The following KRT83 variants were observed in gnomAD, a reference collection of about 807,000 sequenced individuals.
The protein encoded by KRT83 is keratin, type II cuticular Hb3.
KRT83 carries 51 observed loss-of-function variants against 52.9 expected under a neutral mutation model. The observed-to-expected ratio is 0.96, with a 90% CI of 0.77 to 1.22. KRT83 has a LOEUF of 1.22. KRT83 is among the 50% of genes most tolerant of loss of function. The pLI is 0.00. For synonymous variants in KRT83, 278 were observed against 274.1 expected (o/e 1.01, Z -0.14); for missense variants, 654 against 666.5 (o/e 0.98, Z 0.21).
chr12:52,317,457 G>A (rs1398985659), intron 4 of KRT83, among the ~76,000 whole-genome samples: 1 of 152,182 alleles, frequency 6.6e-6, no homozygotes, highest in African/African-American at 2.4e-5. Flanking sequence ...CAAGGCACAG[G>A]TGTCTGGGGT....
intron 1 of KRT83, among the ~76,000 whole-genome samples, chr12:52,319,909 C>T (rs1417999068): frequency 3.9e-5 from 6 of 152,180 alleles, no homozygotes; most frequent in Non-Finnish European, 5.9e-5. Context: ...TGCTCCAACC[C>T]CCTTATTTTA....
chr12:52,321,221 C>A lies in KRT83; in HGVS notation c.115G>T (p.Gly39Cys), dbSNP rs895315297. Residue 39 changes from glycine (G) to cysteine (C), a missense_variant, in exon 1 of 9, where the codon GGC becomes TGC. By Grantham distance (159) the Gly-to-Cys change is radical (BLOSUM62 -3). Transcript: ENST00000293670. The part of the protein sequence containing the change: ...RCCITAAPYR[G>C]ISCYRGLTGG... ...GTGAGGCCGCGGTAGCAGGAGATGC[C>A]GCGGTAGGGGGCGGCGGTGATGCAG... 3 of 1,613,310 alleles carry A rather than the reference C, an allele frequency of 1.9e-6. No individual in the cohort carries two copies. In the African/African-American group the frequency reaches 4.0e-5, roughly 22 times the overall value.
rs200833070 is a variant in KRT83, at chr12:52,321,257, G to T, written c.79C>A (p.Pro27Thr). ...FSCVSACGPR[P>T]SRCCITAAPY... The stretch of plus-strand genomic sequence containing the variant: ...GCGGCGGTGATGCAGCAGCGGCTTG[G>T]CCGGGGCCCGCAGGCAGAGACACAG... The change falls in exon 1 of 9, where the codon CCA becomes ACA. Residue 27 changes from proline (P) to threonine (T), a missense_variant. Physicochemically the swap from Pro to Thr is conservative, Grantham distance 38. Transcript: ENST00000293670. 3.1e-6 allele frequency: 5 copies of T among 1,613,412 alleles called. No individual in the cohort carries two copies. The highest frequency in any genetic ancestry group is 1.7e-5 in the Admixed American group (1 of 60,034).
intron 2 of KRT83, among the ~76,000 whole-genome samples, chr12:52,318,513 C>A (rs1030880645): frequency 6.6e-6 from 1 of 152,282 alleles, no homozygotes; most frequent in Middle Eastern, 3.4e-3. Flanking sequence ...GATCCTCGCT[C>A]TGTCTCTCCC....
intron 5 of KRT83, 105 bp downstream of exon 5, chr12:52,316,754 C>G: frequency 6.2e-7 from 1 of 1,603,798 alleles, no homozygotes; most frequent in East Asian, 2.2e-5. Context: ...TTTTCTCTTA[C>G]CATCCTTAGG....
In KRT83 at chr12:52,321,080, C is replaced by T. The variant is rs766097425; in HGVS notation, c.256G>A (p.Val86Met). The change falls in exon 1 of 9, where the codon GTG becomes ATG. Residue 86 changes from valine to methionine, a missense_variant. Val to Met is a conservative substitution (Grantham distance 21). Coordinates refer to ENST00000293670, the MANE Select transcript of KRT83 (RefSeq NM_002282.3). ...GTGAGGAGGCTCTCGTTGACCGACA[C>T]GGTGGTGATGCATGGGGGGCTGGGT... Reference protein sequence around the residue: ...CGPSPPCITTVSVNESLLTPL... With the variant: ...CGPSPPCITTMSVNESLLTPL... The T allele has an allele frequency of 6.8e-6, 11 of 1,612,330 alleles. No individual in the cohort carries two copies. The highest frequency in any genetic ancestry group is 8.5e-6 in the Non-Finnish European group (10 of 1,179,864).
At chr12:52,317,886 C>T (rs939005736) in intron 3 of KRT83, 24 bp downstream of exon 3, 1 of 1,613,980 alleles carries the variant, frequency 6.2e-7, no homozygotes, top group African/African-American at 1.3e-5. Flanking sequence ...AGGGCGGGCT[C>T]AGGGCCAGCT....
chr12:52,320,241 C>T (rs1304674965), intron 1 of KRT83, among the ~76,000 whole-genome samples: 1 of 152,210 alleles, frequency 6.6e-6, no homozygotes, highest in Non-Finnish European at 1.5e-5. Context: ...CTCTGGAGGG[C>T]TCTTTCCAAC....
At position 52,315,358 on chromosome 12, in the gene KRT83, A is replaced by G. The variant is rs769532480; in HGVS notation, c.1263-15T>C. ...CTTCACACAGCCTGAGTGGGGAAAAAGTAAGGAAGGGGAAGATAAAAGAAG... is the reference window on the plus strand; with the variant it reads ...CTTCACACAGCCTGAGTGGGGAAAAGGTAAGGAAGGGGAAGATAAAAGAAG... On this transcript the variant is annotated splice_polypyrimidine_tract_variant and intron_variant, in intron 7 of 8. Coordinates refer to ENST00000293670, the MANE Select transcript of KRT83 (RefSeq NM_002282.3). 1 of 1,613,326 alleles carries G rather than the reference A, an allele frequency of 6.2e-7. No individual in the cohort carries two copies. The highest frequency in any genetic ancestry group is 1.1e-5 in the South Asian group (1 of 91,030).
chr12:52,318,444 G>C (rs747906710), intron 2 of KRT83, among the ~76,000 whole-genome samples: 1 of 151,926 alleles, frequency 6.6e-6, no homozygotes, highest in Non-Finnish European at 1.5e-5. Flanking sequence ...TTCTCGCCTA[G>C]GTCTCCATCT....
rs1938733265 is a variant in KRT83 at position 52,319,180 on chromosome 12, T to C, written c.569A>G (p.Glu190Gly). The C allele has an allele frequency of 6.2e-6, 10 of 1,613,344 alleles. No homozygotes were observed. In the East Asian group the frequency reaches 2.2e-4, roughly 36 times the overall value. Residue 190 changes from glutamate (E) to glycine (G), a missense_variant, in exon 2 of 9, where the codon GAG becomes GGG. Coordinates refer to ENST00000293670, the MANE Select transcript of KRT83 (RefSeq NM_002282.3). Reference sequence around the variant, plus strand: ...CTTCTTCTTGTAGCCCTCCAGCACCTCCTGCACGTGGTTGAGCTCTGAGGC... The same window carrying C: ...CTTCTTCTTGTAGCCCTCCAGCACCCCCTGCACGTGGTTGAGCTCTGAGGC... ...RLASELNHVQ[E>G]VLEGYKKKYE...
rs533783292 is a variant in KRT83 at position 52,318,765 on chromosome 12, G to C, written c.593+391C>G. On this transcript the variant is annotated intron_variant, in intron 2 of 8. Coordinates refer to ENST00000293670, the MANE Select transcript of KRT83 (RefSeq NM_002282.3). ...TGCAGGCTCCACAAGAACCCGCACT[G>C]TGTGGCTTGCGTGGCCCTGTGTCAC... Among the ~76,000 whole-genome samples the C allele has an allele frequency of 7.9e-5, 12 of 152,366 alleles. No individual in the cohort carries two copies. In the South Asian group the frequency reaches 8.3e-4, roughly 11 times the overall value.
Position 52,314,762 on chromosome 12 carries a change from G to A in KRT83, c.1351C>T (p.Arg451Trp), listed in dbSNP as rs547338054. Residue 451 changes from arginine (R) to tryptophan (W), a missense_variant, in exon 9 of 9, where the codon CGG becomes TGG. By Grantham distance (101) the Arg-to-Trp change is moderately radical. Transcript: ENST00000293670. ...CTGCAGACGCTGCCCGTCACCGGCCGGGAGCCCGACACGCAGAGATCCCCG... is the reference window on the plus strand; with the variant it reads ...CTGCAGACGCTGCCCGTCACCGGCCAGGAGCCCGACACGCAGAGATCCCCG... ...VCGDLCVSGS[R>W]PVTGSVCSAP... The A allele has an allele frequency of 1.3e-5, 21 of 1,603,550 alleles. No individual in the cohort carries two copies. In the African/African-American group the frequency reaches 2.0e-4, roughly 15 times the overall value.
At chr12:52,318,298 C>T (rs546388713) in intron 2 of KRT83, among the ~76,000 whole-genome samples, 23 of 152,112 alleles carry the variant, frequency 1.5e-4, no homozygotes, top group Non-Finnish European at 2.9e-4. Flanking sequence ...CTCTCAGCCT[C>T]CCGAGTAGCT....
At chr12:52,318,358 TG>T (rs1438590954) in intron 2 of KRT83, among the ~76,000 whole-genome samples, 1 of 152,088 alleles carries the variant, frequency 6.6e-6, no homozygotes, top group Non-Finnish European at 1.5e-5. Context: ...TCCCCTGTTT[TG>T]GTGGAGGTTG....
Position 52,319,224 on chromosome 12 carries a change from C to A in KRT83, c.525G>T (p.Glu175Asp). ...ETLRREAECV[E>D]ADSGRLASEL... The stretch of plus-strand genomic sequence containing the variant: ...CTGAGGCCAGCCTCCCACTGTCAGC[C>A]TCCACGCACTCGGCCTCCCGCCGCA... Residue 175 changes from glutamate to aspartate, a missense_variant, in exon 2 of 9, where the codon GAG becomes GAT. By Grantham distance (45) the Glu-to-Asp change is conservative. Coordinates refer to ENST00000293670, the MANE Select transcript of KRT83 (RefSeq NM_002282.3). 6.2e-7 allele frequency: 1 copy of A among 1,613,774 alleles called. No individual in the cohort carries two copies. Among genetic ancestry groups the A allele is most frequent in the Non-Finnish European group, 8.5e-7 (1 of 1,179,890 alleles).
chr12:52,316,419 G>A, intron 6 of KRT83, 49 bp downstream of exon 6: 1 of 1,613,486 alleles, frequency 6.2e-7, no homozygotes, highest in South Asian at 1.1e-5. Flanking sequence ...TCTGCCGAGG[G>A]CTAACCCCAG....
At chr12:52,316,825 C>T (rs1938695024) in intron 5 of KRT83, 34 bp downstream of exon 5, 4 of 1,614,036 alleles carry the variant, frequency 2.5e-6, no homozygotes, top group African/African-American at 1.3e-5. Flanking sequence ...CTCCCACTGC[C>T]ATGTCTAGCA....
At chr12:52,319,748 C>T (rs1938742662) in intron 1 of KRT83, among the ~76,000 whole-genome samples, 1 of 152,242 alleles carries the variant, frequency 6.6e-6, no homozygotes, top group Non-Finnish European at 1.5e-5. Flanking sequence ...TGAACAGCTA[C>T]TGCTGTTCAA....
Sources: gnomAD v4.1 joint callset for allele counts (sites outside exome capture counted in the v4.1 genomes callset) on GRCh38, gnomAD v4.1.1 for gene constraint, MANE v1.5 for transcripts, NCBI Gene and HGNC (gene_info 2026-07-23, HGNC 2026-07-21) for gene names.